MEN1: variants seen among roughly 807,000 people sequenced by gnomAD.
MEN1 encodes the protein menin 1, also known as menin.
A neutral mutation model predicts 58.0 loss-of-function variants in MEN1; 6 were observed. The observed-to-expected ratio is 0.10, with a 90% CI of 0.06 to 0.20. The LOEUF (loss-of-function observed/expected upper bound fraction) is 0.20, where lower values mean the gene tolerates loss of function less well. Among genes scored for constraint, MEN1 ranks in the 10% least tolerant of loss-of-function variants. MEN1 has a pLI of 1.00. For synonymous variants in MEN1, 346 were observed against 350.7 expected (o/e 0.99, Z 0.15); for missense variants, 492 against 818.5 (o/e 0.60, Z 4.87).
intron 7 of MEN1, 132 bp downstream of exon 7, chr11:64,806,100 C>T: frequency 8.3e-7 from 1 of 1,199,590 alleles, no homozygotes; most frequent in Non-Finnish European, 1.2e-6. Flanking sequence ...GTAATGGTGG[C>T]CTTGCTGCCT....
intron 1 of MEN1, 150 bp downstream of exon 1, chr11:64,810,364 G>A (rs1021101146): frequency 7.2e-6 from 4 of 555,180 alleles, no homozygotes; most frequent in Non-Finnish European, 1.3e-5. Context: ...GATGGGGTGC[G>A]CCCCAAGCAC....
upstream of MEN1, chr11:64,811,191 G>A (rs564579094): frequency 1.8e-4 from 27 of 151,496 alleles, no homozygotes; most frequent in African/African-American, 6.1e-4. Context: ...CGACTTCACG[G>A]GCTCAAGCGA....
chr11:64,809,686 A>C lies in MEN1; in HGVS notation c.424T>G (p.Ser142Ala). The C allele has an allele frequency of 6.2e-7, 1 of 1,614,124 alleles. No individual in the cohort carries two copies. The highest frequency in any genetic ancestry group is 8.5e-7 in the Non-Finnish European group (1 of 1,179,998). ...CAACCTGTGATGAAGCTGAAGAGGG[A>C]CTGGATGTGGGCCCGATCCTTGAAG... is the stretch of plus-strand genomic sequence containing the variant. ...SYFKDRAHIQSLFSFITGTKL... is the reference protein window; with the variant it reads ...SYFKDRAHIQALFSFITGTKL... Residue 142 changes from serine to alanine, a missense_variant, in exon 2 of 10, where the codon TCC becomes GCC. Around this residue, in one of 5 missense-constraint regions of MEN1, gnomAD observed 335 missense variants for 550.3 expected, o/e 0.61. Coordinates refer to ENST00000450708, the MANE Select transcript of MEN1 (RefSeq NM_001370259.2).
chr11:64,806,166 G>C, intron 7 of MEN1, 66 bp downstream of exon 7: 1 of 1,604,500 alleles, frequency 6.2e-7, no homozygotes, highest in Non-Finnish European at 8.5e-7. Context: ...TCCTGGACGA[G>C]GGTGGTTGGA....
chr11:64,804,773 G>A lies in MEN1; in HGVS notation c.1394C>T (p.Ala465Val), dbSNP rs1174189283. The change falls in exon 10 of 10, where the codon GCC becomes GTC. Residue 465 changes from alanine to valine, a missense_variant. Physicochemically the swap from Ala to Val is moderately conservative, Grantham distance 64 (BLOSUM62 0). Transcript: ENST00000450708. This position sits in a 1 kb window ranked among gnomAD's most constrained non-coding sequence, Gnocchi z 4.2. ...VRIVSREAEA[A>V]EAEEPWGEEA... Reference sequence around the variant, plus strand: ...CTCGCCCCACGGCTCCTCGGCCTCGGCCGCCTCGGCCTCTCGGCTCACTAT... The same window carrying A: ...CTCGCCCCACGGCTCCTCGGCCTCGACCGCCTCGGCCTCTCGGCTCACTAT... The A allele has an allele frequency of 1.3e-6, 2 of 1,596,778 alleles. No individual in the cohort carries two copies. The highest frequency in any genetic ancestry group is 1.1e-5 in the South Asian group (1 of 90,996).
At position 64,807,579 on chromosome 11, in the gene MEN1, G is replaced by A; in HGVS notation, c.756C>T (p.Asp252=). Reference sequence around the variant, plus strand: ...GCTGCAGCTGCAGAAGCTCCAGCGAGTCGGTGTGCAGGTCAATGGAAGGGT... The same window carrying A: ...GCTGCAGCTGCAGAAGCTCCAGCGAATCGGTGTGCAGGTCAATGGAAGGGT... ...AINPSIDLHT[D]SLELLQLQQK... is the part of the protein sequence containing the mutation. The change falls in exon 4 of 10, where the codon GAC becomes GAT. Residue 252 remains aspartate (D), a synonymous_variant. Coordinates refer to ENST00000450708, the MANE Select transcript of MEN1 (RefSeq NM_001370259.2). This position sits in a 1 kb window ranked among gnomAD's most constrained non-coding sequence, Gnocchi z 4.9. 6.2e-7 allele frequency: 1 copy of A among 1,614,166 alleles called. No individual in the cohort carries two copies. The highest frequency in any genetic ancestry group is 8.5e-7 in the Non-Finnish European group (1 of 1,180,036).
chr11:64,809,195 C>T (rs923555844), intron 2 of MEN1, among the ~76,000 whole-genome samples: 2 of 145,500 alleles, frequency 1.4e-5, no homozygotes, highest in Non-Finnish European at 1.5e-5. Flanking sequence ...CCCAGGGAGA[C>T]TGAGGCTGCA....
intron 8 of MEN1, 45 bp downstream of exon 8, chr11:64,805,590 G>A (rs1411467514): frequency 6.2e-7 from 1 of 1,609,898 alleles, no homozygotes; most frequent in Non-Finnish European, 8.5e-7. Context: ...AGGGAGCCCT[G>A]TCCAGGTGGG....
intron 2 of MEN1, among the ~76,000 whole-genome samples, chr11:64,809,093 C>T (rs1198656319): frequency 6.6e-6 from 1 of 151,650 alleles, no homozygotes; most frequent in Admixed American, 6.6e-5. Context: ...GAGACACCAT[C>T]TCTACAAAAA....
In MEN1 at chr11:64,804,325, C is replaced by T. The variant is rs749702261; in HGVS notation, c.*9G>A. 1.2e-6 allele frequency: 2 copies of T among 1,614,052 alleles called. No individual in the cohort carries two copies. Among genetic ancestry groups the T allele is most frequent in the East Asian group, 4.5e-5 (2 of 44,894 alleles). On this transcript the variant is annotated 3_prime_UTR_variant, in exon 10 of 10. Transcript: ENST00000450708. This position sits in a 1 kb window ranked among gnomAD's most constrained non-coding sequence, Gnocchi z 4.2. ...GGGTCCCCACAAGCGGTCCGAAGTC[C>T]CCAGTAGTTCAGAGGCCTTTGCGCT... is the stretch of plus-strand genomic sequence containing the variant.
At chr11:64,808,187 C>CA (rs1941881535) in intron 2 of MEN1, 88 bp from the exon 3 acceptor site, 1 of 1,257,918 alleles carries the variant, frequency 7.9e-7, no homozygotes, top group African/African-American at 1.5e-5. Context: ...CACTCCCTCC[C>CA]ACTCCCTTTC....
chr11:64,805,860 G>A, intron 7 of MEN1, 90 bp from the exon 8 acceptor site: 1 of 1,350,732 alleles, frequency 7.4e-7, no homozygotes, highest in Non-Finnish European at 1.1e-6. Flanking sequence ...GAGCCCCCAG[G>A]GGCTGGGGGA....
chr11:64,808,033 C>G lies in MEN1; in HGVS notation c.512G>C (p.Arg171Pro), dbSNP rs607969. ...VVGACQALGL[R>P]DVHLALSEDH... ...CTCAGACAGGGCGAGGTGGACATCCCGGAGACCCAGGGCCTGGCAGGCCCC... is the reference window on the plus strand; with the variant it reads ...CTCAGACAGGGCGAGGTGGACATCCGGGAGACCCAGGGCCTGGCAGGCCCC... Residue 171 changes from arginine to proline, a missense_variant, in exon 3 of 10, where the codon CGG (arginine) becomes CCG (proline). By Grantham distance (103) the Arg-to-Pro change is moderately radical (BLOSUM62 -2). Coordinates refer to ENST00000450708, the MANE Select transcript of MEN1 (RefSeq NM_001370259.2). 6.2e-7 allele frequency: 1 copy of G among 1,614,082 alleles called. No individual in the cohort carries two copies. Among genetic ancestry groups the G allele is most frequent in the Non-Finnish European group, 8.5e-7 (1 of 1,180,018 alleles).
chr11:64,808,769 C>G (rs1423329219), intron 2 of MEN1, among the ~76,000 whole-genome samples: 2 of 151,536 alleles, frequency 1.3e-5, no homozygotes, highest in East Asian at 1.9e-4. Flanking sequence ...CATGGTGAAA[C>G]CTCGTCTCTA....
In MEN1 at chr11:64,807,809, G is replaced by A. The variant is rs114202287; in HGVS notation, c.654+82C>T. 664 of 1,605,424 alleles carry A rather than the reference G, an allele frequency of 4.1e-4. 3 individuals carry two copies. The African/African-American group carries it at 7.9e-3, about 19-fold the overall frequency. ...TGGGTGGTGATGGGAAGAAAGGGGT[G>A]TGGCCCAAGAAAATGGAGTCCCTTG... On this transcript the variant is annotated intron_variant, in intron 3 of 9. Coordinates refer to ENST00000450708, the MANE Select transcript of MEN1 (RefSeq NM_001370259.2). The surrounding 1 kb of genome is among the most constrained non-coding windows in gnomAD (Gnocchi z 4.9).
At chr11:64,805,503 G>GA in intron 8 of MEN1, 132 bp downstream of exon 8, 1 of 1,181,804 alleles carries the variant, frequency 8.5e-7, no homozygotes. Context: ...TAGCAAAAGG[G>GA]AACATAGCTG....
intron 8 of MEN1, 42 bp downstream of exon 8, chr11:64,805,593 C>T (rs1304645615): frequency 1.9e-5 from 31 of 1,610,504 alleles, no homozygotes; most frequent in Non-Finnish European, 2.5e-5. Context: ...GAGCCCTGTC[C>T]AGGTGGGAGG....
In MEN1 at chr11:64,806,117, T is replaced by C. The variant is rs669976; in HGVS notation, c.1049+115A>G. ...AATGGTGGCCTTGCTGCCTAGGGACTGGATGGAAAGGGGATGGGGCGTGGG... is the reference window on the plus strand; with the variant it reads ...AATGGTGGCCTTGCTGCCTAGGGACCGGATGGAAAGGGGATGGGGCGTGGG... On this transcript the variant is annotated intron_variant, in intron 7 of 9. Coordinates refer to ENST00000450708, the MANE Select transcript of MEN1 (RefSeq NM_001370259.2). The C allele has an allele frequency of 0.12, 167,529 of 1,405,598 alleles. 12,604 individuals carry two copies. Among genetic ancestry groups the C allele is most frequent in the East Asian group, 0.31 (13,456 of 43,214 alleles). The allele number at this position is 1,405,598 out of a possible 1,614,324, so 87.1% of individuals were successfully genotyped here.
In MEN1 at chr11:64,805,650, C is replaced by T. The variant is rs587780841; in HGVS notation, c.1170G>A (p.Pro390=). The T allele has an allele frequency of 9.3e-5, 150 of 1,613,878 alleles. 1 individual carries two copies. The Admixed American group carries it at 1.8e-3, about 20-fold the overall frequency. ...ASLLEAGEER[P]GEQSQGTQSQ... Reference sequence around the variant, plus strand: ...AGCCTTTCACCTGGCTTTGCTCCCCCGGCCGCTCCTCGCCCGCCTCCAGCA... The same window carrying T: ...AGCCTTTCACCTGGCTTTGCTCCCCTGGCCGCTCCTCGCCCGCCTCCAGCA... Residue 390 remains proline, a synonymous_variant, in exon 8 of 10, where the codon CCG becomes CCA. Coordinates refer to ENST00000450708, the MANE Select transcript of MEN1 (RefSeq NM_001370259.2).
Sources: gnomAD v4.1 joint callset for allele counts (sites outside exome capture counted in the v4.1 genomes callset) on GRCh38, gnomAD v4.1.1 for gene constraint, gnomAD v4.1.1 regional missense constraint, Gnocchi (gnomAD v3.1) non-coding constraint, MANE v1.5 for transcripts, NCBI Gene and HGNC (gene_info 2026-07-23, HGNC 2026-07-21) for gene names.